The following HDAC9 variants were observed in gnomAD, a reference collection of about 807,000 sequenced individuals.
The protein encoded by HDAC9 is histone deacetylase 9.
A neutral mutation model predicts 139.4 loss-of-function variants in HDAC9; 41 were observed. That is an observed-to-expected ratio of 0.29 (90% CI 0.23 to 0.38). HDAC9 has a LOEUF of 0.38. HDAC9 is among the 10% of genes least tolerant of loss of function. HDAC9 has a pLI of 1.00. For missense variants in HDAC9, 1,147 were observed against 1,297.0 expected (o/e 0.88, Z 1.78); for synonymous variants, 517 against 476.2 (o/e 1.09, Z -1.12).
chr7:18,644,624 A>G, intron 8 of HDAC9, 47 bp from the exon 9 acceptor site: 1 of 1,531,632 alleles, frequency 6.5e-7, no homozygotes, highest in Non-Finnish European at 8.8e-7. Context: ...TTTACAGTAA[A>G]ATTTGTGATA....
chr7:18,213,285 C>A (rs1792077206), intron 2 of HDAC9, among the ~76,000 whole-genome samples: 1 of 152,058 alleles, frequency 6.6e-6, no homozygotes, highest in East Asian at 1.9e-4. Context: ...GTATTCATGA[C>A]CTCCCCCTCC....
At chr7:18,342,238 T>C (rs1180920142) in intron 1 of HDAC9, among the ~76,000 whole-genome samples, 1 of 151,866 alleles carries the variant, frequency 6.6e-6, no homozygotes, top group Non-Finnish European at 1.5e-5. Flanking sequence ...GCTTTGGTGT[T>C]GTCAGACTTT....
intron 2 of HDAC9, among the ~76,000 whole-genome samples, chr7:18,511,213 AG>A (rs1010200697): frequency 2.6e-5 from 4 of 152,214 alleles, no homozygotes; most frequent in Non-Finnish European, 5.9e-5. Flanking sequence ...TTATATTGTA[AG>A]AAGGAAAACA....
chr7:18,883,878 G>A (rs1232234259), intron 22 of HDAC9, among the ~76,000 whole-genome samples: 3 of 152,032 alleles, frequency 2.0e-5, no homozygotes, highest in African/African-American at 7.2e-5. Context: ...AAAATCAATA[G>A]CATTTCTGTA....
Position 18,737,640 on chromosome 7 carries a change from C to A in HDAC9, c.1909+9883C>A, listed in dbSNP as rs536840264. On this transcript the variant is annotated intron_variant, in intron 13 of 25. Coordinates refer to ENST00000686413, the MANE Select transcript of HDAC9 (RefSeq NM_178425.4). ...TCTGACAAACAGTTTATTGTGATTT[C>A]TGTTCTTTTACATTTGCTGAGGAGT... Among the ~76,000 whole-genome samples, 20 of 152,252 alleles carry A rather than the reference C, an allele frequency of 1.3e-4. No homozygotes were observed. The East Asian group carries it at 3.5e-3, about 26-fold the overall frequency.
intron 2 of HDAC9, among the ~76,000 whole-genome samples, chr7:18,497,617 A>G (rs562364451): frequency 6.6e-6 from 1 of 152,300 alleles, no homozygotes; most frequent in South Asian, 2.1e-4. Context: ...GAATTTCAGT[A>G]CAGTTTATTC....
At chr7:18,336,105 A>C (rs1781563543) in intron 1 of HDAC9, among the ~76,000 whole-genome samples, 1 of 151,598 alleles carries the variant, frequency 6.6e-6, no homozygotes, top group Non-Finnish European at 1.5e-5. Context: ...TTTTTACTCA[A>C]ATGCTTGCTA....
In HDAC9 at chr7:18,487,411, G is replaced by A. The variant is rs142566500; in HGVS notation, c.-41-8851G>A. Among the ~76,000 whole-genome samples, 981 of 152,142 alleles carry A rather than the reference G, an allele frequency of 6.4e-3. 9 individuals carry two copies. Among genetic ancestry groups the A allele is most frequent in the Middle Eastern group, 0.061 (18 of 294 alleles). The stretch of plus-strand genomic sequence containing the variant: ...GAATTGTGTCTGTTGCATGATGTTT[G>A]CAAAAGAAAGTTAGGGGTTGAACTC... On this transcript the variant is annotated intron_variant, in intron 1 of 3. Coordinates refer to the HDAC9 transcript ENST00000413509.
intron 1 of HDAC9, among the ~76,000 whole-genome samples, chr7:18,142,144 A>AT (rs755151001): frequency 1.6e-4 from 24 of 152,186 alleles, no homozygotes; most frequent in Non-Finnish European, 2.6e-4. Flanking sequence ...CCTAGAGAGT[A>AT]TAGAGCAAGG....
At chr7:18,541,772 A>G (rs1813049856) in intron 2 of HDAC9, among the ~76,000 whole-genome samples, 2 of 152,212 alleles carry the variant, frequency 1.3e-5, no homozygotes, top group African/African-American at 2.4e-5. Context: ...TTAATAATAA[A>G]TTTGATGGCA....
chr7:18,292,696 G>A (rs1281534017), intron 1 of HDAC9, among the ~76,000 whole-genome samples: 1 of 152,144 alleles, frequency 6.6e-6, no homozygotes, highest in East Asian at 1.9e-4. Context: ...AGTTTTTGTA[G>A]AGGAGGGTGA....
intron 8 of HDAC9, among the ~76,000 whole-genome samples, chr7:18,643,654 A>C (rs116641869): frequency 6.6e-6 from 1 of 152,038 alleles, no homozygotes. Flanking sequence ...CCAGGGGAAA[A>C]TCTACAGCTC....
intron 17 of HDAC9, among the ~76,000 whole-genome samples, chr7:18,806,940 G>C (rs1486388251): frequency 6.6e-6 from 1 of 152,142 alleles, no homozygotes; most frequent in Non-Finnish European, 1.5e-5. Flanking sequence ...GTCCCGGCCT[G>C]GTTTGGGTAT....
At chr7:18,310,569 A>G (rs1441315842) in intron 1 of HDAC9, among the ~76,000 whole-genome samples, 1 of 152,146 alleles carries the variant, frequency 6.6e-6, no homozygotes, top group East Asian at 1.9e-4. Context: ...GCATACACTC[A>G]CGTTTAACTT....
chr7:18,430,321 C>T (rs1016447735), intron 1 of HDAC9, among the ~76,000 whole-genome samples: 7 of 152,174 alleles, frequency 4.6e-5, no homozygotes, highest in South Asian at 4.2e-4. Flanking sequence ...ACTCCTGGGC[C>T]GAAGTGATCC....
intron 2 of HDAC9, among the ~76,000 whole-genome samples, chr7:18,584,673 C>G (rs939177670): frequency 6.6e-6 from 1 of 152,142 alleles, no homozygotes; most frequent in African/African-American, 2.4e-5. Context: ...GACTTAGAAA[C>G]TTGGCTACTT....
chr7:18,740,815 T>G (rs1481845516), intron 13 of HDAC9, among the ~76,000 whole-genome samples: 1 of 152,112 alleles, frequency 6.6e-6, no homozygotes, highest in Non-Finnish European at 1.5e-5. Flanking sequence ...TGAAGGAAAT[T>G]AAAAGTGTTA....
intron 2 of HDAC9, among the ~76,000 whole-genome samples, chr7:18,571,202 A>G (rs904750696): frequency 1.3e-5 from 2 of 152,276 alleles, no homozygotes; most frequent in African/African-American, 4.8e-5. Context: ...TGTACAAAGT[A>G]TAACTTTATT....
chr7:18,785,731 T>C (rs1791660089), intron 16 of HDAC9, among the ~76,000 whole-genome samples: 1 of 152,154 alleles, frequency 6.6e-6, no homozygotes, highest in African/African-American at 2.4e-5. Context: ...ATTTTACTTT[T>C]TGGATTTTGA....
Sources: allele counts gnomAD v4.1 joint callset (sites outside exome capture counted in the v4.1 genomes callset), GRCh38; gene constraint gnomAD v4.1.1; transcripts MANE v1.5; gene names NCBI Gene and HGNC (gene_info 2026-07-23, HGNC 2026-07-21).